OPCML: variants seen among roughly 807,000 people sequenced by gnomAD.
OPCML encodes the protein opioid binding protein/cell adhesion molecule like, also known as opioid-binding protein/cell adhesion molecule.
In OPCML, 13 loss-of-function variants were observed where a neutral mutation model predicts 37.8. The observed-to-expected ratio is 0.34, with a 90% CI of 0.22 to 0.55. The LOEUF (loss-of-function observed/expected upper bound fraction) is 0.55. Ranked by LOEUF, OPCML falls within the 20% of genes least tolerant of loss-of-function variation. The pLI is 0.91. For synonymous variants in OPCML, 176 were observed against 168.8 expected, an observed-to-expected ratio of 1.04 and a Z score of -0.33; for missense variants, 341 against 435.6, an observed-to-expected ratio of 0.78 and a Z score of 1.93.
At chr11:133,483,335 T>C (rs1045180334) in intron 1 of OPCML, among the ~76,000 whole-genome samples, 2 of 151,798 alleles carry the variant, frequency 1.3e-5, no homozygotes, top group African/African-American at 2.4e-5. Context: ...GATAGATAGA[T>C]AGATAATAGA....
chr11:132,696,471 T>C (rs1943603181), intron 2 of OPCML, among the ~76,000 whole-genome samples: 2 of 152,172 alleles, frequency 1.3e-5, no homozygotes, highest in Admixed American at 1.3e-4. Context: ...CACCTCTAAT[T>C]GGTATTCTTA....
chr11:132,778,967 T>A (rs895279059), intron 2 of OPCML, among the ~76,000 whole-genome samples: 1 of 143,296 alleles, frequency 7.0e-6, no homozygotes. Flanking sequence ...ATTTCTTTTT[T>A]TTTTTTTTTT....
At chr11:132,791,090 T>A (rs1473230368) in intron 2 of OPCML, among the ~76,000 whole-genome samples, 1 of 152,188 alleles carries the variant, frequency 6.6e-6, no homozygotes, top group East Asian at 1.9e-4. Context: ...AACACTCTCA[T>A]CTGTAGGGAG....
At chr11:132,855,446 ACT>A (rs1942017588) in intron 2 of OPCML, among the ~76,000 whole-genome samples, 1 of 152,144 alleles carries the variant, frequency 6.6e-6, no homozygotes, top group Admixed American at 6.5e-5. Flanking sequence ...CATTAATTAA[ACT>A]CTTCATTTAC....
At chr11:133,107,540 C>G (rs539540862) in intron 1 of OPCML, among the ~76,000 whole-genome samples, 5 of 152,302 alleles carry the variant, frequency 3.3e-5, no homozygotes, top group South Asian at 4.1e-4. Flanking sequence ...CCCACCAGAG[C>G]CAGATTTTCT....
intron 1 of OPCML, among the ~76,000 whole-genome samples, chr11:132,973,221 T>C (rs1197175422): frequency 6.6e-6 from 1 of 152,176 alleles, no homozygotes; most frequent in African/African-American, 2.4e-5. Flanking sequence ...TTCTAAGGGA[T>C]TTTATGGAGC....
Position 132,943,380 on chromosome 11 carries a change from G to T in OPCML, c.62-370C>A. On this transcript the variant is annotated intron_variant, in intron 1 of 7. Coordinates refer to ENST00000524381, the MANE Select transcript of OPCML (RefSeq NM_001012393.5). The surrounding 1 kb of genome is among the most constrained non-coding windows in gnomAD (Gnocchi z 4.3). ...GAGGGAGGCGGCCAGGAGGGGAGAGGAAGAAGCAAGGTGCGGGGATGAAGG... is the reference window on the plus strand; with the variant it reads ...GAGGGAGGCGGCCAGGAGGGGAGAGTAAGAAGCAAGGTGCGGGGATGAAGG... The T allele has an allele frequency of 2.0e-6, 1 of 489,376 alleles. No homozygotes were observed. The highest frequency in any genetic ancestry group is 3.7e-6 in the Non-Finnish European group (1 of 270,664). The allele number at this position is 489,376 out of a possible 1,614,324, so 30.3% of individuals were successfully genotyped here.
intron 1 of OPCML, among the ~76,000 whole-genome samples, chr11:133,397,226 T>C (rs186822128): frequency 5.3e-5 from 8 of 152,318 alleles, no homozygotes; most frequent in African/African-American, 1.7e-4. Flanking sequence ...TCCAAGAGAA[T>C]GGTCTATGTC....
At chr11:132,966,551 G>GAT (rs149862035) in intron 1 of OPCML, among the ~76,000 whole-genome samples, 3,650 of 152,122 alleles carry the variant, frequency 0.024, 93 homozygotes, top group African/African-American at 0.063. Context: ...GTGCTTCATA[G>GAT]ATGTCTTTTG....
chr11:132,496,241 G>T (rs1040112223), intron 4 of OPCML, among the ~76,000 whole-genome samples: 1 of 152,208 alleles, frequency 6.6e-6, no homozygotes, highest in Non-Finnish European at 1.5e-5. Context: ...GGATGGATGT[G>T]AAAGTGGTCT....
intron 1 of OPCML, chr11:133,423,130 T>C (rs1945926943): frequency 1.0e-6 from 1 of 985,338 alleles, no homozygotes; most frequent in Admixed American, 6.2e-5. Flanking sequence ...TTCAGGATCT[T>C]ATAACCATTC....
At chr11:133,037,378 C>T (rs1174109154) in intron 1 of OPCML, among the ~76,000 whole-genome samples, 7 of 152,222 alleles carry the variant, frequency 4.6e-5, no homozygotes, top group East Asian at 1.9e-4. Context: ...TTACTGGAAG[C>T]GTTCAAGTTG....
At chr11:133,243,041 C>T (rs148863755) in intron 1 of OPCML, among the ~76,000 whole-genome samples, 7 of 152,082 alleles carry the variant, frequency 4.6e-5, no homozygotes, top group South Asian at 2.1e-4. Context: ...CTGTCTTTGC[C>T]GGGGAAATGG....
chr11:133,036,556 G>A (rs1947787581), intron 1 of OPCML, among the ~76,000 whole-genome samples: 1 of 152,194 alleles, frequency 6.6e-6, no homozygotes, highest in African/African-American at 2.4e-5. Context: ...GCACACTAAT[G>A]TGCTTCAGGG....
chr11:132,830,638 A>C (rs1940631367), intron 2 of OPCML, among the ~76,000 whole-genome samples: 1 of 152,210 alleles, frequency 6.6e-6, no homozygotes, highest in Non-Finnish European at 1.5e-5. Flanking sequence ...TGGCTCATGG[A>C]TAGAACCCAG....
intron 3 of OPCML, among the ~76,000 whole-genome samples, chr11:132,612,561 T>G (rs1208703364): frequency 6.6e-6 from 1 of 152,106 alleles, no homozygotes; most frequent in East Asian, 1.9e-4. Context: ...TCACAGAGGC[T>G]GGAAGCTGGG....
chr11:133,397,777 G>A (rs928829970), intron 1 of OPCML, among the ~76,000 whole-genome samples: 2 of 152,132 alleles, frequency 1.3e-5, no homozygotes, highest in African/African-American at 4.8e-5. Context: ...TATAAAAAGG[G>A]CTTTGAGTCA....
At chr11:132,727,545 C>A (rs1283656774) in intron 2 of OPCML, among the ~76,000 whole-genome samples, 1 of 152,172 alleles carries the variant, frequency 6.6e-6, no homozygotes, top group East Asian at 1.9e-4. Flanking sequence ...ACACCCGGAG[C>A]CCTAGAGCCC....
At chr11:133,474,601 C>T (rs371455632) in intron 1 of OPCML, among the ~76,000 whole-genome samples, 14 of 152,126 alleles carry the variant, frequency 9.2e-5, no homozygotes, top group East Asian at 1.9e-4. Flanking sequence ...AGCCCTGCTG[C>T]GGCTGGGGGT....
Sources: gnomAD v4.1 joint callset for allele counts (sites outside exome capture counted in the v4.1 genomes callset) on GRCh38, gnomAD v4.1.1 for gene constraint, Gnocchi (gnomAD v3.1) non-coding constraint, MANE v1.5 for transcripts, NCBI Gene and HGNC (gene_info 2026-07-23, HGNC 2026-07-21) for gene names.